The following MCHR2 variants were observed in gnomAD, a reference collection of about 807,000 sequenced individuals.
MCHR2 encodes melanin-concentrating hormone receptor 2.
MCHR2 carries 15 observed loss-of-function variants against 24.8 expected under a neutral mutation model. That is an observed-to-expected ratio of 0.60 (90% confidence interval 0.40 to 0.93). The LOEUF is 0.93. Among genes scored for constraint, MCHR2 ranks in the 40% least tolerant of loss-of-function variants. The pLI is 0.00. For synonymous variants in MCHR2, 151 were observed against 147.6 expected, an observed-to-expected ratio of 1.02 and a Z score of -0.17; for missense variants, 386 against 408.7, an observed-to-expected ratio of 0.94 and a Z score of 0.48.
intron 1 of MCHR2, among the ~76,000 whole-genome samples, chr6:99,973,386 C>T (rs1032108369): frequency 5.9e-5 from 9 of 151,848 alleles, no homozygotes; most frequent in Non-Finnish European, 8.8e-5. Context: ...GGATTGCAAC[C>T]TCTGCCTTTT....
chr6:99,932,965 G>A (rs1774577414), intron 5 of MCHR2, among the ~76,000 whole-genome samples: 1 of 150,504 alleles, frequency 6.6e-6, no homozygotes, highest in Non-Finnish European at 1.5e-5. Context: ...ACTGAGTGAG[G>A]GGTATTTGGG....
At chr6:99,975,979 T>C (rs879290007) in intron 1 of MCHR2, among the ~76,000 whole-genome samples, 9 of 152,190 alleles carry the variant, frequency 5.9e-5, no homozygotes, top group Non-Finnish European at 1.0e-4. Context: ...TCTCACAGTT[T>C]GAGGGTGGGT....
intron 1 of MCHR2, among the ~76,000 whole-genome samples, chr6:99,966,316 A>G (rs1178181935): frequency 6.6e-6 from 1 of 152,140 alleles, no homozygotes; most frequent in Non-Finnish European, 1.5e-5. Context: ...TCTCCTGTAA[A>G]TGTTGGAATT....
chr6:99,943,410 G>C (rs928272743), intron 3 of MCHR2, among the ~76,000 whole-genome samples: 10 of 150,916 alleles, frequency 6.6e-5, no homozygotes, highest in African/African-American at 2.2e-4. Flanking sequence ...ATGTATACAT[G>C]TGCCATGCTG....
At chr6:99,930,221 T>A (rs1051081081) in intron 5 of MCHR2, among the ~76,000 whole-genome samples, 2 of 152,214 alleles carry the variant, frequency 1.3e-5, no homozygotes, top group Non-Finnish European at 1.5e-5. Flanking sequence ...GTTAGTCTGA[T>A]GGGCTTCCCT....
chr6:99,968,558 A>G (rs952187106), intron 1 of MCHR2, among the ~76,000 whole-genome samples: 3 of 152,162 alleles, frequency 2.0e-5, no homozygotes, highest in Non-Finnish European at 2.9e-5. Context: ...TGAGGAATAC[A>G]CCATGAGTTG....
chr6:99,973,722 T>C (rs1053483601), intron 1 of MCHR2, among the ~76,000 whole-genome samples: 2 of 152,254 alleles, frequency 1.3e-5, no homozygotes, highest in Non-Finnish European at 2.9e-5. Flanking sequence ...CCATGTTTAG[T>C]GCTTCCTTCA....
intron 4 of MCHR2, among the ~76,000 whole-genome samples, chr6:99,937,821 A>G (rs982472691): frequency 1.3e-5 from 2 of 151,590 alleles, no homozygotes; most frequent in Non-Finnish European, 1.5e-5. Context: ...TCAGCAATGA[A>G]GTCATCAGGT....
At chr6:99,954,786 G>A (rs1775027885) in intron 2 of MCHR2, among the ~76,000 whole-genome samples, 3 of 152,268 alleles carry the variant, frequency 2.0e-5, no homozygotes, top group Non-Finnish European at 2.9e-5. Context: ...CACATGGGTG[G>A]CTGAGAGAGT....
rs555839900 is a variant in MCHR2 at position 99,969,822 on chromosome 6, T to C, written c.-27-13648A>G. ...GTGAGAACATGTGGTGTTTGGTTTT[T>C]GTCCTTGTGATAGTTCGCTGAGAAT... On this transcript the variant is annotated intron_variant, in intron 1 of 5. Coordinates refer to ENST00000281806, the MANE Select transcript of MCHR2 (RefSeq NM_001040179.2). Among the ~76,000 whole-genome samples the C allele has an allele frequency of 1.5e-4, 22 of 151,680 alleles. No individual in the cohort carries two copies. In the East Asian group the frequency reaches 4.3e-3, roughly 30 times the overall value.
chr6:99,918,562 G>A lies in MCHR2; in HGVS notation c.*2378C>T, dbSNP rs1393968237. Among the ~76,000 whole-genome samples, 1 of 152,102 alleles carries A rather than the reference G, an allele frequency of 6.6e-6. No individual in the cohort carries two copies. Among genetic ancestry groups the A allele is most frequent in the Non-Finnish European group, 1.5e-5 (1 of 68,004 alleles). Reference sequence around the variant, plus strand: ...TATTAATTGAGATCAAAGTTTAAATGAGGCACCTAGAATTGAATAAGAATA... The same window carrying A: ...TATTAATTGAGATCAAAGTTTAAATAAGGCACCTAGAATTGAATAAGAATA... On this transcript the variant is annotated 3_prime_UTR_variant, in exon 6 of 6. Coordinates refer to ENST00000281806, the MANE Select transcript of MCHR2 (RefSeq NM_001040179.2).
intron 5 of MCHR2, among the ~76,000 whole-genome samples, chr6:99,923,825 A>C (rs7757899): frequency 0.76 from 115,589 of 151,898 alleles, 44,591 homozygotes; most frequent in East Asian, 0.99. Flanking sequence ...GTTTGCTAAT[A>C]TTTTGTTGTG....
At chr6:99,956,711 GA>G (rs1775068992) in intron 1 of MCHR2, among the ~76,000 whole-genome samples, 1 of 152,064 alleles carries the variant, frequency 6.6e-6, no homozygotes, top group Admixed American at 6.6e-5. Flanking sequence ...TGTGGGAAGG[GA>G]AAAGCGTTGT....
At chr6:99,922,659 CGTATAT>C (rs1181574676) in intron 5 of MCHR2, among the ~76,000 whole-genome samples, 8 of 152,218 alleles carry the variant, frequency 5.3e-5, no homozygotes, top group African/African-American at 1.4e-4. Context: ...TTTTCCCCAG[CGTATAT>C]GTTCTTGGCA....
At chr6:99,975,706 A>G (rs1339036210) in intron 1 of MCHR2, among the ~76,000 whole-genome samples, 1 of 152,218 alleles carries the variant, frequency 6.6e-6, no homozygotes, top group Admixed American at 6.5e-5. Flanking sequence ...CTATTCAGCC[A>G]TCTTGGCTCC....
chr6:99,957,955 C>T (rs1428210669), intron 1 of MCHR2, among the ~76,000 whole-genome samples: 1 of 151,886 alleles, frequency 6.6e-6, no homozygotes, highest in Non-Finnish European at 1.5e-5. Context: ...CAATAAAATT[C>T]CAAGTTTTAT....
intron 1 of MCHR2, among the ~76,000 whole-genome samples, chr6:99,991,823 A>AAAAAAAG (rs1554197612): frequency 6.6e-6 from 1 of 150,468 alleles, no homozygotes; most frequent in Non-Finnish European, 1.5e-5. Flanking sequence ...AAAAAAAAAA[A>AAAAAAAG]AAAGAAAAGA....
rs766209904 is a variant in MCHR2, at chr6:99,943,131, G to A, written c.405C>T (p.Leu135=). 3.0e-5 allele frequency: 48 copies of A among 1,609,068 alleles called. No individual in the cohort carries two copies. In the Admixed American group the frequency reaches 4.2e-4, roughly 14 times the overall value. ...AACGTGTCAGTCGAAATGGTTGGAC[G>A]AGGGCAAAGTACCTGCAAAGGCAGT... ...TVMSVDRYFA[L]VQPFRLTRWR... The change falls in exon 4 of 6, where the codon CTC becomes CTT. Residue 135 remains leucine, a synonymous_variant. Transcript: ENST00000281806.
chr6:99,932,105 C>A (rs965624569), intron 5 of MCHR2, among the ~76,000 whole-genome samples: 12 of 152,118 alleles, frequency 7.9e-5, no homozygotes, highest in Non-Finnish European at 1.8e-4. Context: ...ATTTCTCCTT[C>A]ATGTTTGAAG....
Sources: allele counts gnomAD v4.1 joint callset (sites outside exome capture counted in the v4.1 genomes callset), GRCh38; gene constraint gnomAD v4.1.1; transcripts MANE v1.5; gene names NCBI Gene and HGNC (gene_info 2026-07-23, HGNC 2026-07-21).